RPS6KA5: variants seen among roughly 807,000 people sequenced by gnomAD.
RPS6KA5 encodes the protein ribosomal protein S6 kinase alpha-5.
In RPS6KA5, 27 loss-of-function variants were observed where a neutral mutation model predicts 85.5. The observed-to-expected ratio is 0.32, with a 90% CI of 0.23 to 0.44. RPS6KA5 has a LOEUF of 0.44. Among genes scored for constraint, RPS6KA5 ranks in the 20% least tolerant of loss-of-function variants. The pLI is 1.00. For missense variants in RPS6KA5, 811 were observed against 980.9 expected (o/e 0.83, Z 2.31); for synonymous variants, 334 against 348.2 (o/e 0.96, Z 0.46).
intron 1 of RPS6KA5, 60 bp from the exon 2 acceptor site, chr14:91,001,219 G>A (rs2040778069): frequency 9.5e-7 from 1 of 1,052,724 alleles, no homozygotes; most frequent in Non-Finnish European, 1.4e-6. Flanking sequence ...GAGGCTCCTG[G>A]GGGATTCTTG....
At chr14:90,900,825 G>GA (rs1767982899) in intron 9 of RPS6KA5, 89 bp from the exon 10 acceptor site, 1 of 1,076,258 alleles carries the variant, frequency 9.3e-7, no homozygotes, top group South Asian at 1.7e-5. Flanking sequence ...TTTTTCCTTA[G>GA]AAAAACACTC....
At chr14:90,888,363 A>G (rs559877954) in intron 14 of RPS6KA5, among the ~76,000 whole-genome samples, 1 of 152,338 alleles carries the variant, frequency 6.6e-6, no homozygotes, top group South Asian at 2.1e-4. Context: ...AGAGAAAAGA[A>G]ATTACTAAAA....
intron 7 of RPS6KA5, among the ~76,000 whole-genome samples, chr14:90,912,029 CATCTCCATCATGAAT>C (rs376398068): frequency 3.5e-4 from 54 of 152,218 alleles, no homozygotes; most frequent in African/African-American, 1.2e-3. Flanking sequence ...ACCCAGTCCG[CATCTCCATCATGAAT>C]GCTTCCCTGA....
intron 3 of RPS6KA5, among the ~76,000 whole-genome samples, chr14:90,968,131 A>T (rs930329557): frequency 1.3e-5 from 2 of 152,148 alleles, no homozygotes; most frequent in Admixed American, 6.5e-5. Context: ...CCAGGGAAAA[A>T]TCTGTTTCCT....
At position 90,894,608 on chromosome 14, in the gene RPS6KA5, G is replaced by C. The variant is rs7141970; in HGVS notation, c.1474-25C>G. 1.2e-4 allele frequency: 194 copies of C among 1,608,498 alleles called. No individual in the cohort carries two copies. In the African/African-American group the frequency reaches 2.3e-3, roughly 19 times the overall value. ...GCTAGAAAAGAGAAAGAATAACGTG[G>C]AGGGCCTTCCTGAAGCACAGAAGTC... On this transcript the variant is annotated intron_variant, in intron 12 of 16. Coordinates refer to ENST00000614987, the MANE Select transcript of RPS6KA5 (RefSeq NM_004755.4).
chr14:90,934,429 A>G (rs61009746), intron 5 of RPS6KA5, among the ~76,000 whole-genome samples: 1,763 of 152,274 alleles, frequency 0.012, 32 homozygotes, highest in African/African-American at 0.04. Context: ...GCCCTTATGG[A>G]CTTTAAAGTC....
intron 1 of RPS6KA5, among the ~76,000 whole-genome samples, chr14:91,029,206 C>A (rs1210028967): frequency 6.6e-6 from 1 of 152,124 alleles, no homozygotes; most frequent in Admixed American, 6.5e-5. Flanking sequence ...CTAAAAATGA[C>A]ATATAAATTC....
chr14:91,002,338 G>C (rs939514440), intron 1 of RPS6KA5, among the ~76,000 whole-genome samples: 1 of 152,246 alleles, frequency 6.6e-6, no homozygotes, highest in Middle Eastern at 3.4e-3. Flanking sequence ...AATTTAGGTA[G>C]TGAGTATAAG....
intron 2 of RPS6KA5, among the ~76,000 whole-genome samples, chr14:90,991,718 A>G (rs1463169409): frequency 6.6e-6 from 1 of 151,074 alleles, no homozygotes; most frequent in African/African-American, 2.4e-5. Context: ...AAAAAAAAAA[A>G]AAGAAGAGAG....
intron 1 of RPS6KA5, among the ~76,000 whole-genome samples, chr14:91,022,456 C>T (rs921399204): frequency 2.0e-5 from 3 of 152,188 alleles, no homozygotes; most frequent in African/African-American, 7.2e-5. Context: ...GCTCACTTCT[C>T]TGTGTCTTTC....
chr14:90,993,694 TTC>T (rs944172409), intron 2 of RPS6KA5, among the ~76,000 whole-genome samples: 3 of 152,314 alleles, frequency 2.0e-5, no homozygotes, highest in East Asian at 1.9e-4. Flanking sequence ...TTTCAGGTAT[TTC>T]TCTGTCTCAT....
rs1419682254 is a variant in RPS6KA5 at position 90,863,805 on chromosome 14, T to C, written c.*8269A>G. ...AAAACTCAAAATTGGTAAGATATAA[T>C]TTCTCCTGAAATTGATTTATACATT... On this transcript the variant is annotated 3_prime_UTR_variant, in exon 17 of 17. Coordinates refer to ENST00000614987, the MANE Select transcript of RPS6KA5 (RefSeq NM_004755.4). 1 of 152,196 alleles carries C rather than the reference T, an allele frequency of 6.6e-6. No homozygotes were observed. The highest frequency in any genetic ancestry group is 2.4e-5 in the African/African-American group (1 of 41,434). 9.4% of individuals were successfully genotyped at this position (152,196 alleles called of 1,614,324 possible).
At position 90,871,259 on chromosome 14, in the gene RPS6KA5, AGT is replaced by A. The variant is rs2033091660; in HGVS notation, c.*813_*814del. The A allele has an allele frequency of 6.6e-6, 1 of 152,608 alleles. No homozygotes were observed. The highest frequency in any genetic ancestry group is 2.4e-5 in the African/African-American group (1 of 41,472). The allele number at this position is 152,608 out of a possible 1,614,324, so 9.5% of individuals were successfully genotyped here. A position where few individuals can be genotyped will look rare whatever the true frequency, so the allele number is the denominator to read the frequency against. ...AAATGAAAATAAATGGCAAAAATAC[AGT>A]GCAAATGCTTTAAACAGTGCACTTT... is the stretch of plus-strand genomic sequence containing the variant. On this transcript the variant is annotated 3_prime_UTR_variant, in exon 17 of 17. Transcript: ENST00000614987.
chr14:90,998,342 T>G (rs912003166), intron 2 of RPS6KA5, among the ~76,000 whole-genome samples: 2 of 152,188 alleles, frequency 1.3e-5, no homozygotes, highest in Non-Finnish European at 2.9e-5. Context: ...ATTGCACACT[T>G]TAAATGATGG....
chr14:91,009,253 A>C (rs2041158373), intron 1 of RPS6KA5, among the ~76,000 whole-genome samples: 1 of 152,224 alleles, frequency 6.6e-6, no homozygotes, highest in African/African-American at 2.4e-5. Flanking sequence ...GCTCTTATAA[A>C]AGAGGCTAGA....
chr14:91,007,953 G>A (rs914419729), intron 1 of RPS6KA5, among the ~76,000 whole-genome samples: 1 of 152,082 alleles, frequency 6.6e-6, no homozygotes, highest in Non-Finnish European at 1.5e-5. Flanking sequence ...CCTTGGCATG[G>A]TCTTCCAGGA....
chr14:91,005,798 A>G (rs540636248), intron 1 of RPS6KA5, among the ~76,000 whole-genome samples: 1 of 152,166 alleles, frequency 6.6e-6, no homozygotes, highest in African/African-American at 2.4e-5. Flanking sequence ...TAACAGTATT[A>G]GAACAAGACT....
Position 90,873,713 on chromosome 14 carries a change from C to T in RPS6KA5, c.2079G>A (p.Leu693=), listed in dbSNP as rs766651260. 1.2e-6 allele frequency: 2 copies of T among 1,614,142 alleles called. No homozygotes were observed. Among genetic ancestry groups the T allele is most frequent in the South Asian group, 1.1e-5 (1 of 91,078 alleles). The part of the protein sequence containing the change: ...YNEWLQDGSQ[L]SSNPLMTPDI... ...CCGGAGTCATCAGAGGATTGGAGGA[C>T]AGCTGACTTCCATCTTGTAGCCATT... The change falls in exon 16 of 17, where the codon CTG becomes CTA. Residue 693 remains leucine (L), a synonymous_variant. Coordinates refer to ENST00000614987, the MANE Select transcript of RPS6KA5 (RefSeq NM_004755.4).
intron 12 of RPS6KA5, among the ~76,000 whole-genome samples, chr14:90,897,537 AG>A (rs1347122061): frequency 2.0e-5 from 3 of 152,350 alleles, no homozygotes; most frequent in Non-Finnish European, 4.4e-5. Flanking sequence ...GGGATGATCT[AG>A]GCAACTGTGC....
Sources: allele counts gnomAD v4.1 joint callset (sites outside exome capture counted in the v4.1 genomes callset), GRCh38; gene constraint gnomAD v4.1.1; transcripts MANE v1.5; gene names NCBI Gene and HGNC (gene_info 2026-07-23, HGNC 2026-07-21).